Variants in SHISA6 observed in about 807,000 individuals in gnomAD.
SHISA6 encodes the protein protein shisa-6.
Under a neutral mutation model 47.9 loss-of-function variants are expected in SHISA6, and 22 were observed. That is an observed-to-expected ratio of 0.46 (90% confidence interval 0.33 to 0.66). The LOEUF (loss-of-function observed/expected upper bound fraction) is 0.66, where lower values mean the gene tolerates loss of function less well. Among genes scored for constraint, SHISA6 ranks in the 30% least tolerant of loss-of-function variants. SHISA6 has a pLI of 0.02. For synonymous variants in SHISA6, 388 were observed against 337.8 expected, an observed-to-expected ratio of 1.15 and a Z score of -1.63; for missense variants, 680 against 764.6, an observed-to-expected ratio of 0.89 and a Z score of 1.30.
rs149521055 is a variant in SHISA6, at chr17:11,411,289, C to T, written c.895+31780C>T. 2.1e-3 allele frequency among the ~76,000 whole-genome samples: 323 copies of T among 152,112 alleles called. 3 individuals are homozygous for T. Among genetic ancestry groups the T allele is most frequent in the African/African-American group, 7.4e-3 (308 of 41,522 alleles). On this transcript the variant is annotated intron_variant, in intron 3 of 5. Transcript: ENST00000441885. ...GGCCTCAATTCTGTCTATTCAGCCTCTCCCACTCTTGATCTCTCTCTCACT... is the reference window on the plus strand; with the variant it reads ...GGCCTCAATTCTGTCTATTCAGCCTTTCCCACTCTTGATCTCTCTCTCACT...
intron 2 of SHISA6, among the ~76,000 whole-genome samples, chr17:11,322,911 A>T (rs1031365373): frequency 6.6e-6 from 1 of 152,068 alleles, no homozygotes; most frequent in Admixed American, 6.6e-5. Context: ...AAATTTTGAG[A>T]TTTTTCTTTA....
chr17:11,467,179 A>G (rs1479530056), intron 3 of SHISA6, among the ~76,000 whole-genome samples: 3 of 152,202 alleles, frequency 2.0e-5, no homozygotes, highest in Non-Finnish European at 1.5e-5. Flanking sequence ...TTCCGTCATA[A>G]GTATTCATTC....
intron 3 of SHISA6, among the ~76,000 whole-genome samples, chr17:11,426,576 T>C (rs997265237): frequency 6.6e-6 from 1 of 152,184 alleles, no homozygotes; most frequent in Non-Finnish European, 1.5e-5. Flanking sequence ...CTGTTGGAAA[T>C]AGAATATGAG....
chr17:11,323,992 T>TA (rs2142198492), intron 2 of SHISA6, among the ~76,000 whole-genome samples: 1 of 152,260 alleles, frequency 6.6e-6, no homozygotes, highest in South Asian at 2.1e-4. Context: ...ATGAGGGCTA[T>TA]AACAAATAAA....
At chr17:11,364,798 C>A (rs1257697639) in intron 2 of SHISA6, among the ~76,000 whole-genome samples, 1 of 152,196 alleles carries the variant, frequency 6.6e-6, no homozygotes, top group Non-Finnish European at 1.5e-5. Flanking sequence ...AGTGGTTTAT[C>A]ATTTTGCATT....
At chr17:11,394,983 A>ATTT (rs904272787) in intron 3 of SHISA6, among the ~76,000 whole-genome samples, 2 of 100,858 alleles carry the variant, frequency 2.0e-5, no homozygotes, top group African/African-American at 3.8e-5. Flanking sequence ...GTGGCCCTTT[A>ATTT]TTTTTTTTTC....
intron 3 of SHISA6, among the ~76,000 whole-genome samples, chr17:11,455,665 G>A (rs1033472245): frequency 6.6e-6 from 1 of 152,054 alleles, no homozygotes; most frequent in South Asian, 2.1e-4. Context: ...TTCTCACCCC[G>A]CTGAGCATTT....
intron 2 of SHISA6, among the ~76,000 whole-genome samples, chr17:11,274,477 G>A (rs1487465191): frequency 6.6e-6 from 1 of 152,210 alleles, no homozygotes; most frequent in African/African-American, 2.4e-5. Context: ...AGGAAGTGAG[G>A]GAGAGCAGCC....
intron 3 of SHISA6, among the ~76,000 whole-genome samples, chr17:11,390,486 A>T (rs77488227): frequency 0.037 from 5,565 of 152,272 alleles, 188 homozygotes; most frequent in Admixed American, 0.088. Flanking sequence ...AGCCAGTGAG[A>T]AATGCAGACT....
chr17:11,320,215 C>G lies in SHISA6; in HGVS notation c.799+56689C>G, dbSNP rs188549642. On this transcript the variant is annotated intron_variant, in intron 2 of 5. Transcript: ENST00000441885. ...ACTATTCTGAACCTTAGTTGTATCT[C>G]GACTCTTTTGGGTACATTGTAGATA... Among the ~76,000 whole-genome samples the G allele has an allele frequency of 4.6e-5, 7 of 152,252 alleles. No individual in the cohort carries two copies. In the East Asian group the frequency reaches 1.4e-3, roughly 29 times the overall value.
intron 3 of SHISA6, among the ~76,000 whole-genome samples, chr17:11,386,217 A>C (rs1261440377): frequency 6.6e-6 from 1 of 152,184 alleles, no homozygotes; most frequent in East Asian, 1.9e-4. Context: ...CTCTACTAAA[A>C]ATACAAAATT....
At chr17:11,377,990 C>T (rs553981256) in intron 2 of SHISA6, among the ~76,000 whole-genome samples, 1 of 152,282 alleles carries the variant, frequency 6.6e-6, no homozygotes, top group East Asian at 1.9e-4. Flanking sequence ...CTGTACCGGT[C>T]AACCCGTCGT....
intron 3 of SHISA6, among the ~76,000 whole-genome samples, chr17:11,466,209 A>G (rs769268592): frequency 1.7e-4 from 26 of 152,314 alleles, no homozygotes; most frequent in Non-Finnish European, 8.8e-5. Flanking sequence ...ATCAATGCAA[A>G]TATCCACAGA....
chr17:11,249,071 G>A (rs1033215385), intron 1 of SHISA6, among the ~76,000 whole-genome samples: 2 of 151,046 alleles, frequency 1.3e-5, no homozygotes, highest in African/African-American at 4.9e-5. Context: ...CTGGGAGGTG[G>A]AGCTTGCAGT....
chr17:11,264,787 A>G (rs943821306), intron 2 of SHISA6, among the ~76,000 whole-genome samples: 1 of 152,240 alleles, frequency 6.6e-6, no homozygotes, highest in African/African-American at 2.4e-5. Context: ...TCTTAAATTT[A>G]TTACGTCAGA....
intron 2 of SHISA6, among the ~76,000 whole-genome samples, chr17:11,318,180 C>G (rs1343884726): frequency 1.3e-5 from 2 of 152,128 alleles, no homozygotes; most frequent in African/African-American, 4.8e-5. Context: ...AAATTAGATT[C>G]AAATTATCTG....
chr17:11,276,256 G>A (rs1391616628), intron 2 of SHISA6, among the ~76,000 whole-genome samples: 1 of 152,044 alleles, frequency 6.6e-6, no homozygotes, highest in East Asian at 1.9e-4. Flanking sequence ...GGGATTACAG[G>A]TGTGAGCCGT....
chr17:11,357,405 G>T (rs1435423241), intron 2 of SHISA6, among the ~76,000 whole-genome samples: 1 of 151,974 alleles, frequency 6.6e-6, no homozygotes. Context: ...AAGAATACCT[G>T]CCCATTAAGG....
intron 3 of SHISA6, among the ~76,000 whole-genome samples, chr17:11,389,903 A>T (rs77656742): frequency 6.6e-6 from 1 of 152,044 alleles, no homozygotes. Context: ...GCTAAGTCAA[A>T]CCCCAGGAAG....
Sources: allele counts gnomAD v4.1 joint callset (sites outside exome capture counted in the v4.1 genomes callset), GRCh38; gene constraint gnomAD v4.1.1; transcripts MANE v1.5; gene names NCBI Gene and HGNC (gene_info 2026-07-23, HGNC 2026-07-21).